The following F13A1 variants were observed in gnomAD, a reference collection of about 807,000 sequenced individuals.
F13A1 encodes the protein coagulation factor XIII A chain, also known as FSF, A subunit.
Under a neutral mutation model 80.1 loss-of-function variants are expected in F13A1, and 47 were observed. That is an observed-to-expected ratio of 0.59 (90% CI 0.46 to 0.75). F13A1 has a LOEUF of 0.75. F13A1 is among the 30% of genes least tolerant of loss of function. The probability of loss-of-function intolerance (pLI) is 0.00; values close to 1 mark genes in which losing one functional copy is unlikely to be tolerated. For synonymous variants in F13A1, 349 were observed against 344.9 expected (o/e 1.01, Z -0.13); for missense variants, 817 against 930.4 (o/e 0.88, Z 1.59).
chr6:6,273,654 T>A (rs1030958001), intron 3 of F13A1, among the ~76,000 whole-genome samples: 5 of 152,214 alleles, frequency 3.3e-5, no homozygotes, highest in Non-Finnish European at 7.3e-5. Flanking sequence ...TCATTTGTTT[T>A]TCCCAAGGCG....
intron 3 of F13A1, among the ~76,000 whole-genome samples, chr6:6,290,199 C>T (rs1758204395): frequency 6.6e-6 from 1 of 152,126 alleles, no homozygotes; most frequent in Non-Finnish European, 1.5e-5. Context: ...TAAAAACATA[C>T]TCTTAACAAT....
At chr6:6,155,149 C>T (rs1760450928) in intron 13 of F13A1, among the ~76,000 whole-genome samples, 1 of 152,138 alleles carries the variant, frequency 6.6e-6, no homozygotes. Flanking sequence ...ATTAAGAACC[C>T]TTCCCATACC....
At chr6:6,230,361 C>T (rs552497314) in intron 6 of F13A1, among the ~76,000 whole-genome samples, 18 of 152,172 alleles carry the variant, frequency 1.2e-4, no homozygotes, top group Admixed American at 9.8e-4. Flanking sequence ...TCAGCAGAGG[C>T]AGCCATAATC....
intron 8 of F13A1, among the ~76,000 whole-genome samples, chr6:6,203,868 TCTTA>T (rs1446558561): frequency 6.6e-6 from 1 of 152,224 alleles, no homozygotes; most frequent in Non-Finnish European, 1.5e-5. Context: ...AATAGATACT[TCTTA>T]CTTTGGTATT....
intron 1 of F13A1, among the ~76,000 whole-genome samples, chr6:6,319,743 TAAC>T (rs1376317850): frequency 6.6e-6 from 1 of 152,112 alleles, no homozygotes; most frequent in African/African-American, 2.4e-5. Flanking sequence ...TGTGGAGCAC[TAAC>T]AACATGCTGG....
intron 6 of F13A1, among the ~76,000 whole-genome samples, chr6:6,228,001 A>G (rs865878891): frequency 6.6e-6 from 1 of 152,212 alleles, no homozygotes; most frequent in African/African-American, 2.4e-5. Flanking sequence ...TTAAAATAAT[A>G]TCTCCCCTCA....
rs373625020 is a variant in F13A1, at chr6:6,291,938, C to G, written c.319+13413G>C. 1.2e-4 allele frequency among the ~76,000 whole-genome samples: 19 copies of G among 152,306 alleles called. No individual in the cohort carries two copies. In the Middle Eastern group the frequency reaches 0.01, roughly 82 times the overall value. ...GAAAGTCCCTCAAGTAATTCACACT[C>G]ATCAATTCAAACAGAAGCATATTCA... On this transcript the variant is annotated intron_variant, in intron 3 of 14. Coordinates refer to ENST00000264870, the MANE Select transcript of F13A1 (RefSeq NM_000129.4).
chr6:6,183,434 T>C (rs970312117), intron 10 of F13A1, among the ~76,000 whole-genome samples: 1 of 152,358 alleles, frequency 6.6e-6, no homozygotes, highest in South Asian at 2.1e-4. Flanking sequence ...ATAGATTTGG[T>C]TGCTGCCATT....
chr6:6,208,981 A>T (rs1761547055), intron 8 of F13A1, among the ~76,000 whole-genome samples: 1 of 152,184 alleles, frequency 6.6e-6, no homozygotes, highest in African/African-American at 2.4e-5. Flanking sequence ...AGAAATAATT[A>T]AAAAGTTGGA....
At chr6:6,308,606 C>CTTTTTTTTT (rs770570204) in intron 2 of F13A1, among the ~76,000 whole-genome samples, 4 of 88,856 alleles carry the variant, frequency 4.5e-5, no homozygotes, top group Non-Finnish European at 6.2e-5. Flanking sequence ...AAAACACATT[C>CTTTTTTTTT]TTTTTTTTTT....
At chr6:6,199,285 C>G (rs976793927) in intron 8 of F13A1, among the ~76,000 whole-genome samples, 5 of 152,010 alleles carry the variant, frequency 3.3e-5, no homozygotes, top group Non-Finnish European at 7.4e-5. Flanking sequence ...GTCAGGAGAT[C>G]GAGACCATCC....
intron 8 of F13A1, among the ~76,000 whole-genome samples, chr6:6,208,081 T>C (rs1268164905): frequency 1.3e-5 from 2 of 152,152 alleles, no homozygotes; most frequent in South Asian, 2.1e-4. Flanking sequence ...AGCTAAGACA[T>C]TGGACTTACA....
chr6:6,145,303 C>A lies in F13A1; in HGVS notation c.*316G>T. The stretch of plus-strand genomic sequence containing the variant: ...AGCAAATCTCCCTGGTAAGAGAGCC[C>A]ACTGATATTTGGAGATGTAGCCATT... On this transcript the variant is annotated 3_prime_UTR_variant, in exon 15 of 15. Coordinates refer to ENST00000264870, the MANE Select transcript of F13A1 (RefSeq NM_000129.4). 1 of 377,820 alleles carries A rather than the reference C, an allele frequency of 2.6e-6. No individual in the cohort carries two copies. The highest frequency in any genetic ancestry group is 5.1e-6 in the Non-Finnish European group (1 of 197,690). The allele number at this position is 377,820 out of a possible 1,614,324, so 23.4% of individuals were successfully genotyped here. A position where few individuals can be genotyped will look rare whatever the true frequency, so the allele number is the denominator to read the frequency against.
intron 13 of F13A1, among the ~76,000 whole-genome samples, chr6:6,152,315 C>T (rs1760394172): frequency 6.6e-6 from 1 of 152,154 alleles, no homozygotes; most frequent in South Asian, 2.1e-4. Flanking sequence ...ATCAAGTTTC[C>T]TGCTGGGACA....
intron 2 of F13A1, among the ~76,000 whole-genome samples, chr6:6,312,592 C>G (rs1351866631): frequency 2.1e-5 from 3 of 140,740 alleles, no homozygotes; most frequent in Admixed American, 1.5e-4. Flanking sequence ...GCAGGAGAAC[C>G]GCTTGAACCC....
At chr6:6,193,947 G>A (rs3799554) in intron 10 of F13A1, among the ~76,000 whole-genome samples, 43,811 of 152,058 alleles carry the variant, frequency 0.29, 7,104 homozygotes, top group South Asian at 0.42. Flanking sequence ...AAACTGCCAC[G>A]GCAGGTACGA....
At chr6:6,183,104 T>A (rs1471849543) in intron 10 of F13A1, among the ~76,000 whole-genome samples, 1 of 152,168 alleles carries the variant, frequency 6.6e-6, no homozygotes, top group East Asian at 1.9e-4. Flanking sequence ...TATTACATAT[T>A]TTATAATCAC....
chr6:6,184,462 G>T (rs1381964891), intron 10 of F13A1, among the ~76,000 whole-genome samples: 2 of 152,236 alleles, frequency 1.3e-5, no homozygotes, highest in Non-Finnish European at 1.5e-5. Flanking sequence ...ACTCAGGGGT[G>T]CTAGCCACAT....
chr6:6,316,168 G>A (rs1758683643), intron 2 of F13A1, among the ~76,000 whole-genome samples: 1 of 116,234 alleles, frequency 8.6e-6, no homozygotes, highest in African/African-American at 3.3e-5. Context: ...CTTCTCATCT[G>A]GGACTTGCTG....
Sources: allele counts gnomAD v4.1 joint callset (sites outside exome capture counted in the v4.1 genomes callset), GRCh38; gene constraint gnomAD v4.1.1; transcripts MANE v1.5; gene names NCBI Gene and HGNC (gene_info 2026-07-23, HGNC 2026-07-21).